IK: variants seen among roughly 807,000 people sequenced by gnomAD.
The protein encoded by IK is protein Red.
IK carries 47 observed loss-of-function variants against 90.9 expected under a neutral mutation model. That is an observed-to-expected ratio of 0.52 (90% confidence interval 0.41 to 0.66). The LOEUF is 0.66. Among genes scored for constraint, IK ranks in the 30% least tolerant of loss-of-function variants. IK has a pLI of 0.00. For missense variants in IK, 385 were observed against 709.3 expected, an observed-to-expected ratio of 0.54 and a Z score of 5.19; for synonymous variants, 201 against 227.5, an observed-to-expected ratio of 0.88 and a Z score of 1.05.
chr5:140,650,131 C>T (rs942686310), intron 2 of IK, among the ~76,000 whole-genome samples: 14 of 152,286 alleles, frequency 9.2e-5, no homozygotes, highest in Admixed American at 9.2e-4. Flanking sequence ...CCGCTCCACC[C>T]CCATACCTAA....
intron 4 of IK, 115 bp from the exon 5 acceptor site, chr5:140,652,862 G>C: frequency 1.1e-6 from 1 of 897,806 alleles, no homozygotes; most frequent in East Asian, 2.6e-5. Flanking sequence ...GGACAGACAT[G>C]AGCTTTTCCC....
intron 10 of IK, 23 bp downstream of exon 10, chr5:140,657,685 A>T (rs531516469): frequency 6.6e-7 from 1 of 1,518,314 alleles, no homozygotes; most frequent in Admixed American, 1.7e-5. Context: ...TTAGAGAGAG[A>T]AGCCTTACCC....
At chr5:140,649,232 ACGG>A (rs1277932922) in intron 2 of IK, among the ~76,000 whole-genome samples, 7 of 127,660 alleles carry the variant, frequency 5.5e-5, no homozygotes, top group Non-Finnish European at 1.1e-4. Flanking sequence ...TTTTTTTGAG[ACGG>A]AGTCTCACTG....
intron 11 of IK, 25 bp from the exon 12 acceptor site, chr5:140,658,914 C>T: frequency 6.2e-7 from 1 of 1,613,048 alleles, no homozygotes; most frequent in Non-Finnish European, 8.5e-7. Context: ...TGAATTTGGC[C>T]AGCTAGTGAT....
Position 140,648,018 on chromosome 5 carries a change from GTGTGTGTGTGTGTGTGTGTGTGTGTGTA to G in IK, c.16+98_16+125del, listed in dbSNP as rs1172989580. 6 of 907,220 alleles carry G rather than the reference GTGTGTGTGTGTGTGTGTGTGTGTGTGTA, an allele frequency of 6.6e-6. No homozygotes were observed. The African/African-American group carries it at 7.5e-5, about 11-fold the overall frequency. 56.2% of individuals were successfully genotyped at this position (907,220 alleles called of 1,614,324 possible). A position where few individuals can be genotyped will look rare whatever the true frequency, so the allele number is the denominator to read the frequency against. On this transcript the variant is annotated intron_variant, in intron 1 of 19. Coordinates refer to ENST00000417647, the MANE Select transcript of IK (RefSeq NM_006083.4). The stretch of plus-strand genomic sequence containing the variant: ...CTGAGCTTAAGCCGGGTGTGTGTGT[GTGTGTGTGTGTGTGTGTGTGTGTGTGTA>G]TGTATGTATGTGTGACGCTTGAGCC...
chr5:140,655,731 T>C lies in IK; in HGVS notation c.638-98T>C, dbSNP rs144392338. The C allele has an allele frequency of 1.6e-4, 194 of 1,196,252 alleles. 1 individual carries two copies. The African/African-American group carries it at 2.5e-3, about 16-fold the overall frequency. 74.1% of individuals were successfully genotyped at this position (1,196,252 alleles called of 1,614,324 possible). A position where few individuals can be genotyped will look rare whatever the true frequency, so the allele number is the denominator to read the frequency against. The stretch of plus-strand genomic sequence containing the variant: ...TGCAAAGATTAAATGACGCAAAGCT[T>C]GCATAGCACTTGGCATGGTGGCTAG... On this transcript the variant is annotated intron_variant, in intron 8 of 19. Coordinates refer to ENST00000417647, the MANE Select transcript of IK (RefSeq NM_006083.4).
rs746789110 is a variant in IK, at chr5:140,648,520, T to C, written c.66T>C (p.Asp22=). 1.9e-6 allele frequency: 3 copies of C among 1,613,868 alleles called. No individual in the cohort carries two copies. In the East Asian group the frequency reaches 6.7e-5, roughly 36 times the overall value. ...CCCCCGATGGCCACGATGTGGATGATCCTCACTCCTTCCACCAGTGAGTAT... is the reference window on the plus strand; with the variant it reads ...CCCCCGATGGCCACGATGTGGATGACCCTCACTCCTTCCACCAGTGAGTAT... ...PLAPDGHDVD[D]PHSFHQSKLT... is the part of the protein sequence containing the mutation. The change falls in exon 2 of 20, where the codon GAT becomes GAC. Residue 22 remains aspartate (D), a synonymous_variant. Transcript: ENST00000417647.
chr5:140,658,500 A>G (rs1757746287), intron 10 of IK, among the ~76,000 whole-genome samples: 1 of 151,562 alleles, frequency 6.6e-6, no homozygotes, highest in South Asian at 2.1e-4. Context: ...TTGTACTTTT[A>G]GTAGAGATGG....
chr5:140,652,882 T>A, intron 4 of IK, 95 bp from the exon 5 acceptor site: 1 of 1,086,760 alleles, frequency 9.2e-7, no homozygotes, highest in Non-Finnish European at 1.4e-6. Flanking sequence ...CCATAGAGAG[T>A]AGGTTGGAGA....
chr5:140,656,455 G>A (rs1049115310), intron 9 of IK, among the ~76,000 whole-genome samples: 1 of 152,174 alleles, frequency 6.6e-6, no homozygotes, highest in Admixed American at 6.5e-5. Context: ...AAAGTACTGG[G>A]ATTACAGGCA....
intron 4 of IK, 151 bp from the exon 5 acceptor site, chr5:140,652,826 C>A: frequency 1.5e-6 from 1 of 652,002 alleles, no homozygotes; most frequent in Non-Finnish European, 2.6e-6. Context: ...TGAGTAACTA[C>A]GAAGAGGTGG....
chr5:140,648,269 G>T, intron 1 of IK: 1 of 708,546 alleles, frequency 1.4e-6, no homozygotes. Context: ...AGTCTTCTCT[G>T]ATCCTCCAGC....
chr5:140,648,309 C>G (rs1056758144), intron 1 of IK, 162 bp from the exon 2 acceptor site: 11 of 744,716 alleles, frequency 1.5e-5, no homozygotes, highest in Non-Finnish European at 2.7e-5. Context: ...CTTTGTGCTC[C>G]CACAGCTTCT....
rs1227914796 is a variant in IK, at chr5:140,657,639, A to G, written c.887A>G (p.Lys296Arg). The change falls in exon 10 of 20, where the codon AAG becomes AGG. Residue 296 changes from lysine (K) to arginine (R), a missense_variant. Physicochemically the swap from Lys to Arg is conservative, Grantham distance 26. This residue lies in a region of IK where 33 missense variants were observed against 86.1 expected (regional missense o/e 0.38). Coordinates refer to ENST00000417647, the MANE Select transcript of IK (RefSeq NM_006083.4). Reference protein sequence around the residue: ...LSYLRQGTRNKKLKKKDKGKL... With the variant: ...LSYLRQGTRNRKLKKKDKGKL... ...TACCTGAGGCAGGGAACCCGTAACA[A>G]GAAGCTTAAGAAGAAGGATAAAGGT... The G allele has an allele frequency of 1.2e-6, 2 of 1,611,508 alleles. No individual in the cohort carries two copies. The highest frequency in any genetic ancestry group is 4.5e-5 in the East Asian group (2 of 44,856).
Position 140,661,715 on chromosome 5 carries a change from C to A in IK, c.1502+7C>A. 6.3e-7 allele frequency: 1 copy of A among 1,595,686 alleles called. No homozygotes were observed. The highest frequency in any genetic ancestry group is 8.6e-7 in the Non-Finnish European group (1 of 1,168,108). On this transcript the variant is annotated splice_region_variant and intron_variant, in intron 17 of 19. Coordinates refer to ENST00000417647, the MANE Select transcript of IK (RefSeq NM_006083.4). This position sits in a 1 kb window ranked among gnomAD's most constrained non-coding sequence, Gnocchi z 4.2. Reference sequence around the variant, plus strand: ...ACAAAGAAGCTTTGCCCAAGTGAGTCGGTACTGAATATGGGCAGGGTGTGA... The same window carrying A: ...ACAAAGAAGCTTTGCCCAAGTGAGTAGGTACTGAATATGGGCAGGGTGTGA...
intron 1 of IK, 36 bp from the exon 2 acceptor site, chr5:140,648,435 G>C: frequency 6.2e-7 from 1 of 1,603,736 alleles, no homozygotes; most frequent in Non-Finnish European, 8.5e-7. Context: ...TGACACGTAA[G>C]AGACTGATTA....
rs574612399 is a variant in IK, at chr5:140,661,295, A to C, written c.1414-325A>C. On this transcript the variant is annotated intron_variant, in intron 16 of 19. Coordinates refer to ENST00000417647, the MANE Select transcript of IK (RefSeq NM_006083.4). The surrounding 1 kb of genome is among the most constrained non-coding windows in gnomAD (Gnocchi z 4.2). Reference sequence around the variant, plus strand: ...TGGTTTAATCTTGGAGCCTTGTTTAATCCTGCCTCTACTGTTTATTAGTTT... The same window carrying C: ...TGGTTTAATCTTGGAGCCTTGTTTACTCCTGCCTCTACTGTTTATTAGTTT... 3.2e-6 allele frequency: 1 copy of C among 317,242 alleles called. No homozygotes were observed. The highest frequency in any genetic ancestry group is 7.3e-5 in the East Asian group (1 of 13,748). 19.7% of individuals were successfully genotyped at this position (317,242 alleles called of 1,614,324 possible).
At position 140,647,850 on chromosome 5, in the gene IK, C is replaced by G; in HGVS notation, c.-59C>G. 16 of 1,604,776 alleles carry G rather than the reference C, an allele frequency of 1.0e-5. No individual in the cohort carries two copies. The highest frequency in any genetic ancestry group is 1.3e-5 in the Non-Finnish European group (15 of 1,171,532). On this transcript the variant is annotated 5_prime_UTR_variant, in exon 1 of 20. Transcript: ENST00000417647. The stretch of plus-strand genomic sequence containing the variant: ...AGGTGCACTGTGGGAAAGAGCTTGT[C>G]GCTGCGGTGTTGCTGTTGGAGACTC...
chr5:140,657,513 C>T (rs1387049310), intron 9 of IK, 41 bp from the exon 10 acceptor site: 1 of 1,325,946 alleles, frequency 7.5e-7, no homozygotes, highest in Non-Finnish European at 1.1e-6. Flanking sequence ...GAAGAGATTT[C>T]TGCTGAGTGG....
Sources: allele counts gnomAD v4.1 joint callset (sites outside exome capture counted in the v4.1 genomes callset), GRCh38; gene constraint gnomAD v4.1.1; regional missense constraint gnomAD v4.1.1; non-coding constraint Gnocchi (gnomAD v3.1); transcripts MANE v1.5; gene names NCBI Gene and HGNC (gene_info 2026-07-23, HGNC 2026-07-21).